Variants in CFAP46 observed in about 807,000 individuals in gnomAD.
CFAP46 encodes cilia- and flagella-associated protein 46.
CFAP46 carries 245 observed loss-of-function variants against 325.7 expected under a neutral mutation model. That is an observed-to-expected ratio of 0.75 (90% confidence interval 0.68 to 0.84). The LOEUF is 0.84. CFAP46 is among the 40% of genes least tolerant of loss of function. The pLI is 0.00. For missense variants in CFAP46, 3,346 were observed against 3,543.0 expected (o/e 0.94, Z 1.41); for synonymous variants, 1,523 against 1,495.9 (o/e 1.02, Z -0.42).
At chr10:132,825,790 C>A (rs1352107688) in intron 50 of CFAP46, among the ~76,000 whole-genome samples, 4 of 152,158 alleles carry the variant, frequency 2.6e-5, no homozygotes, top group Non-Finnish European at 4.4e-5. Context: ...CCCAGATAAC[C>A]CCACAGAAGA....
At position 132,847,286 on chromosome 10, in the gene CFAP46, C is replaced by T. The variant is rs1005284664; in HGVS notation, c.5988G>A (p.Glu1996=). ...GAKLSGLKSL[E]LEVEEEGATK... ...TGGCACCCTCTTCCTCTACCTCCAG[C>T]TCCAGAGACTTGAGGCCGCTCAGCT... Residue 1996 remains glutamate (E), a synonymous_variant, in exon 42 of 58, where the codon GAG becomes GAA. Coordinates refer to ENST00000368586, the MANE Select transcript of CFAP46 (RefSeq NM_001200049.3). The surrounding 1 kb of genome is among the most constrained non-coding windows in gnomAD (Gnocchi z 5.2). 3 of 1,613,586 alleles carry T rather than the reference C, an allele frequency of 1.9e-6. No individual in the cohort carries two copies. The highest frequency in any genetic ancestry group is 1.3e-5 in the African/African-American group (1 of 75,032).
chr10:132,925,344 C>T lies in CFAP46; in HGVS notation c.1066-458G>A, dbSNP rs559251018. On this transcript the variant is annotated intron_variant, in intron 10 of 57. Transcript: ENST00000368586. Reference sequence around the variant, plus strand: ...GCTGGACCGCCCACCGTCCTGGGCTCACTTGGCCACGTCCCCACAGCCTGT... The same window carrying T: ...GCTGGACCGCCCACCGTCCTGGGCTTACTTGGCCACGTCCCCACAGCCTGT... Among the ~76,000 whole-genome samples, 6 of 152,384 alleles carry T rather than the reference C, an allele frequency of 3.9e-5. No homozygotes were observed. The East Asian group carries it at 1.2e-3, about 29-fold the overall frequency.
chr10:132,882,544 T>C (rs1407218979), intron 27 of CFAP46, among the ~76,000 whole-genome samples: 1 of 151,480 alleles, frequency 6.6e-6, no homozygotes, highest in Non-Finnish European at 1.5e-5. Flanking sequence ...TGGTTTTGGG[T>C]AAGATGCTGG....
At position 132,834,069 on chromosome 10, in the gene CFAP46, C is replaced by A. The variant is rs1043784302; in HGVS notation, c.6921G>T (p.Lys2307Asn). 28 of 1,614,010 alleles carry A rather than the reference C, an allele frequency of 1.7e-5. No individual in the cohort carries two copies. Among genetic ancestry groups the A allele is most frequent in the Non-Finnish European group, 2.4e-5 (28 of 1,179,992 alleles). ...ADSGKSKGKD[K>N]ERKTSTGQHS... ...GTTGTCCTGTGGACGTTTTCCTCTC[C>A]TTGTCTTTGCCCTTCGACTTCCCTG... Residue 2307 changes from lysine (K) to asparagine (N), a missense_variant, in exon 49 of 58, where the codon AAG becomes AAT. By Grantham distance (94) the Lys-to-Asn change is moderately conservative. Coordinates refer to ENST00000368586, the MANE Select transcript of CFAP46 (RefSeq NM_001200049.3).
At chr10:132,857,985 G>T (rs1350605171) in intron 38 of CFAP46, among the ~76,000 whole-genome samples, 197 bp from the exon 39 acceptor site, 1 of 152,228 alleles carries the variant, frequency 6.6e-6, no homozygotes, top group Non-Finnish European at 1.5e-5. Context: ...GTGTATTATG[G>T]TTATAAAAAT....
chr10:132,850,118 C>T (rs879734882), intron 41 of CFAP46, 126 bp downstream of exon 41: 21 of 975,004 alleles, frequency 2.2e-5, no homozygotes, highest in Non-Finnish European at 2.9e-5. Context: ...CGCCTACTTC[C>T]TACATTTTTC....
In CFAP46 at chr10:132,924,685, G is replaced by T; in HGVS notation, c.1256+11C>A. 1 of 1,501,452 alleles carries T rather than the reference G, an allele frequency of 6.7e-7. No homozygotes were observed. Among genetic ancestry groups the T allele is most frequent in the Admixed American group, 2.3e-5 (1 of 44,226 alleles). 93.0% of individuals were successfully genotyped at this position (1,501,452 alleles called of 1,614,324 possible). A position where few individuals can be genotyped will look rare whatever the true frequency, so the allele number is the denominator to read the frequency against. On this transcript the variant is annotated intron_variant, in intron 11 of 57. Transcript: ENST00000368586. ...CCTCTGTGGAGGACACAGCACAGGT[G>T]AGCGCCCCACCTGTCCAGCTTCTCC...
rs773160434 is a variant in CFAP46 at position 132,808,666 on chromosome 10, G to A, written c.7903C>T (p.Pro2635Ser). 6.3e-7 allele frequency: 1 copy of A among 1,587,192 alleles called. No individual in the cohort carries two copies. Among genetic ancestry groups the A allele is most frequent in the African/African-American group, 1.3e-5 (1 of 74,344 alleles). ...APIPSSQLAL[P>S]FLGLSPALGA... ...AGGGCTGGGGAGAGGCCCAGGAAGG[G>A]GAGAGCGAGCTGGGAGCTGGGGATG... is the stretch of plus-strand genomic sequence containing the variant. The change falls in exon 58 of 58, where the codon CCC becomes TCC. Residue 2635 changes from proline to serine, a missense_variant. Physicochemically the swap from Pro to Ser is moderately conservative, Grantham distance 74. Coordinates refer to ENST00000368586, the MANE Select transcript of CFAP46 (RefSeq NM_001200049.3). The surrounding 1 kb of genome is among the most constrained non-coding windows in gnomAD (Gnocchi z 6.8).
At chr10:132,835,164 C>T in intron 47 of CFAP46, 140 bp downstream of exon 47, 1 of 1,182,772 alleles carries the variant, frequency 8.5e-7, no homozygotes, top group Non-Finnish European at 1.2e-6. Flanking sequence ...TTGGGCAGTG[C>T]CCGGGTGTTG....
Position 132,820,765 on chromosome 10 carries a change from CTG to C in CFAP46, c.7118-5853_7118-5852del, listed in dbSNP as rs537471415. ...TGTGTGCTGTGTGTGCTGATGTGTG[CTG>C]TGTGTGCGCTGATGCGTGCTGTGTG... On this transcript the variant is annotated intron_variant, in intron 50 of 57. Coordinates refer to ENST00000368586, the MANE Select transcript of CFAP46 (RefSeq NM_001200049.3). Among the ~76,000 whole-genome samples the C allele has an allele frequency of 1.0e-4, 10 of 97,146 alleles. No homozygotes were observed. The South Asian group carries it at 1.3e-3, about 13-fold the overall frequency. 63.7% of individuals were successfully genotyped at this position (97,146 alleles called of 152,430 possible). A position where few individuals can be genotyped will look rare whatever the true frequency, so the allele number is the denominator to read the frequency against.
chr10:132,942,342 C>A (rs1027275764), intron 1 of CFAP46, 94 bp downstream of exon 1: 4 of 968,394 alleles, frequency 4.1e-6, no homozygotes, highest in Non-Finnish European at 5.4e-6. Context: ...ATTGGGCGGG[C>A]TGGGATGAGA....
At chr10:132,812,053 C>T (rs1847591386) in intron 55 of CFAP46, among the ~76,000 whole-genome samples, 1 of 152,242 alleles carries the variant, frequency 6.6e-6, no homozygotes, top group African/African-American at 2.4e-5. Context: ...CCTGGTGGGG[C>T]TGCAGCCACA....
At chr10:132,825,751 G>C (rs1216937713) in intron 50 of CFAP46, among the ~76,000 whole-genome samples, 1 of 152,102 alleles carries the variant, frequency 6.6e-6, no homozygotes, top group East Asian at 1.9e-4. Flanking sequence ...AGTATACCAG[G>C]AAAATCCAAC....
chr10:132,849,301 G>A (rs1848495709), intron 41 of CFAP46, among the ~76,000 whole-genome samples: 1 of 152,252 alleles, frequency 6.6e-6, no homozygotes, highest in Admixed American at 6.5e-5. Context: ...TTCACTCGAG[G>A]TACATCAAGT....
intron 11 of CFAP46, among the ~76,000 whole-genome samples, chr10:132,923,714 G>A (rs1177980462): frequency 6.6e-6 from 1 of 152,222 alleles, no homozygotes; most frequent in Non-Finnish European, 1.5e-5. Context: ...TCTGTGCTGT[G>A]GGAAGTCGAA....
At chr10:132,885,714 T>C (rs2135396436) in intron 26 of CFAP46, 107 bp downstream of exon 26, 1 of 670,578 alleles carries the variant, frequency 1.5e-6, no homozygotes, top group Non-Finnish European at 2.0e-6. Context: ...CCGGTGGGGA[T>C]GCAGTGGGTG....
rs1178059589 is a variant in CFAP46 at position 132,828,788 on chromosome 10, C to T, written c.7117+4570G>A. On this transcript the variant is annotated intron_variant, in intron 50 of 57. Transcript: ENST00000368586. The surrounding 1 kb of genome is among the most constrained non-coding windows in gnomAD (Gnocchi z 4.9). ...GTGCGGCCTCGTTTTTGTTGTGTTT[C>T]GTTCTGCACTTGGACGTCCAGGGAC... Among the ~76,000 whole-genome samples, 1 of 152,056 alleles carries T rather than the reference C, an allele frequency of 6.6e-6. No homozygotes were observed. The highest frequency in any genetic ancestry group is 1.5e-5 in the Non-Finnish European group (1 of 68,012).
chr10:132,822,733 T>G (rs1264891398), intron 50 of CFAP46, among the ~76,000 whole-genome samples: 4 of 141,808 alleles, frequency 2.8e-5, no homozygotes, highest in Non-Finnish European at 4.6e-5. Context: ...GTGTGCTGTG[T>G]GTGCAGTGAT....
intron 50 of CFAP46, among the ~76,000 whole-genome samples, chr10:132,823,212 GA>G (rs1847927523): frequency 1.4e-5 from 2 of 142,046 alleles, no homozygotes; most frequent in East Asian, 2.2e-4. Flanking sequence ...TGTGTGTGCT[GA>G]TGTGTGCTGT....
Sources: allele counts gnomAD v4.1 joint callset (sites outside exome capture counted in the v4.1 genomes callset), GRCh38; gene constraint gnomAD v4.1.1; non-coding constraint Gnocchi (gnomAD v3.1); transcripts MANE v1.5; gene names NCBI Gene and HGNC (gene_info 2026-07-23, HGNC 2026-07-21).